Variants in AFF2 observed in about 807,000 individuals in gnomAD.
The protein encoded by AFF2 is ALF transcription elongation factor 2.
A neutral mutation model predicts 76.9 loss-of-function variants in AFF2; 14 were observed. The observed-to-expected ratio is 0.18, with a 90% CI of 0.12 to 0.28. AFF2 has a LOEUF of 0.28. AFF2 is among the 10% of genes least tolerant of loss of function. The pLI, the probability that AFF2 is intolerant of heterozygous loss-of-function variation, is 1.00. For missense variants in AFF2, 868 were observed against 1,001.1 expected, an observed-to-expected ratio of 0.87 and a Z score of 1.79; for synonymous variants, 398 against 366.7, an observed-to-expected ratio of 1.09 and a Z score of -0.98.
intron 3 of AFF2, among the ~76,000 whole-genome samples, chrX:148,683,399 T>A (rs1483217013): frequency 8.9e-6 from 1 of 112,077 alleles, no homozygotes; most frequent in Non-Finnish European, 1.9e-5. Flanking sequence ...TCAGTCTACG[T>A]AGTACTCAAT....
intron 3 of AFF2, among the ~76,000 whole-genome samples, chrX:148,751,507 A>G (rs1374213635): frequency 8.9e-6 from 1 of 112,266 alleles, no homozygotes; most frequent in Non-Finnish European, 1.9e-5. Flanking sequence ...ACTCACCATG[A>G]CAGAGAACAT....
At chrX:148,985,285 C>T (rs868977409) in intron 19 of AFF2, among the ~76,000 whole-genome samples, 3 of 15,383 alleles carry the variant, frequency 2.0e-4, no homozygotes, top group Non-Finnish European at 2.4e-4. Context: ...TGTGCCTGGC[C>T]TTTTTTTTTT....
intron 1 of AFF2, among the ~76,000 whole-genome samples, chrX:148,540,205 A>G (rs1419797983): frequency 9.0e-6 from 1 of 111,535 alleles, no homozygotes; most frequent in Non-Finnish European, 1.9e-5. Context: ...AAAATGAAAT[A>G]CCTAAAACCT....
In AFF2 at chrX:148,571,049, A is replaced by G. The variant is rs781927966; in HGVS notation, c.47+69905A>G. Among the ~76,000 whole-genome samples, 9 of 111,880 alleles carry G rather than the reference A, an allele frequency of 8.0e-5. No homozygotes were observed. In the South Asian group the frequency reaches 3.3e-3, roughly 41 times the overall value. ...TGATGTGCTGAAGGTTAAGACTTAA[A>G]CATATTTTTTTGGAGGGGGTGGAAA... On this transcript the variant is annotated intron_variant, in intron 1 of 20. Transcript: ENST00000370460.
At chrX:148,726,958 G>A (rs2055165327) in intron 3 of AFF2, among the ~76,000 whole-genome samples, 1 of 111,814 alleles carries the variant, frequency 8.9e-6, no homozygotes, top group Admixed American at 9.5e-5. Context: ...AGCCCCCAGT[G>A]TGGCCTCCCA....
At chrX:148,865,537 C>T (rs2070895834) in intron 7 of AFF2, among the ~76,000 whole-genome samples, 2 of 111,803 alleles carry the variant, frequency 1.8e-5, no homozygotes, top group South Asian at 3.8e-4. Flanking sequence ...ATGATGGAGG[C>T]GCTTTTATGG....
chrX:148,773,050 G>A (rs1258928307), intron 3 of AFF2, among the ~76,000 whole-genome samples: 2 of 107,487 alleles, frequency 1.9e-5, no homozygotes, highest in Non-Finnish European at 3.9e-5. Flanking sequence ...GTTTTTAGGA[G>A]AAATGAAGAA....
intron 7 of AFF2, among the ~76,000 whole-genome samples, chrX:148,866,185 G>A (rs2070903991): frequency 8.9e-6 from 1 of 111,775 alleles, no homozygotes; most frequent in African/African-American, 3.2e-5. Flanking sequence ...CCCAAACAAA[G>A]ACAGTCTTCG....
At chrX:148,819,219 G>A (rs182018852) in intron 4 of AFF2, among the ~76,000 whole-genome samples, 1 of 111,351 alleles carries the variant, frequency 9.0e-6, no homozygotes, top group East Asian at 2.8e-4. Flanking sequence ...GCAGTTTTTG[G>A]TGATTATGAA....
At chrX:148,625,783 C>T (rs928660339) in intron 1 of AFF2, among the ~76,000 whole-genome samples, 1 of 111,749 alleles carries the variant, frequency 8.9e-6, no homozygotes, top group Non-Finnish European at 1.9e-5. Flanking sequence ...GCACCAAAGA[C>T]TGTTATCACC....
At chrX:148,859,279 T>C (rs2070820508) in intron 7 of AFF2, among the ~76,000 whole-genome samples, 1 of 109,340 alleles carries the variant, frequency 9.1e-6, no homozygotes, top group Non-Finnish European at 1.9e-5. Context: ...GCTTAATATC[T>C]GGATGATTAA....
At chrX:148,880,332 A>G (rs1321020918) in intron 7 of AFF2, among the ~76,000 whole-genome samples, 1 of 111,947 alleles carries the variant, frequency 8.9e-6, no homozygotes, top group African/African-American at 3.2e-5. Context: ...CCTTCCTACC[A>G]ACAAATGATT....
chrX:148,642,905 C>G (rs1292805425), intron 1 of AFF2, among the ~76,000 whole-genome samples: 8 of 112,571 alleles, frequency 7.1e-5, no homozygotes, highest in African/African-American at 1.9e-4. Context: ...AGAGCCATCA[C>G]AAGTATTCTA....
intron 1 of AFF2, among the ~76,000 whole-genome samples, chrX:148,572,790 G>T (rs2053244631): frequency 1.8e-5 from 2 of 111,367 alleles, no homozygotes. Flanking sequence ...TAGGTACAGG[G>T]TTTATTTTTG....
chrX:148,549,595 C>T (rs539350381), intron 1 of AFF2, among the ~76,000 whole-genome samples: 1 of 111,572 alleles, frequency 9.0e-6, no homozygotes, highest in East Asian at 2.8e-4. Flanking sequence ...ATCCTCTCTC[C>T]GTTTTAGAGC....
At chrX:148,913,615 T>C (rs1328339709) in intron 9 of AFF2, among the ~76,000 whole-genome samples, 1 of 112,174 alleles carries the variant, frequency 8.9e-6, no homozygotes, top group Non-Finnish European at 1.9e-5. Flanking sequence ...GTGAATCTGA[T>C]GGACCTCAAC....
At chrX:148,533,875 C>T (rs1340265866) in intron 1 of AFF2, among the ~76,000 whole-genome samples, 5 of 111,898 alleles carry the variant, frequency 4.5e-5, no homozygotes, top group Non-Finnish European at 9.4e-5. Context: ...AAGAGTGAAT[C>T]ATTAAATTCA....
intron 13 of AFF2, 41 bp from the exon 14 acceptor site, chrX:148,966,749 A>G (rs2072180129): frequency 8.4e-6 from 10 of 1,196,909 alleles, no homozygotes; most frequent in Non-Finnish European, 1.1e-5. Flanking sequence ...TGTTTTAAAA[A>G]GCTGGACCTA....
At chrX:148,582,080 T>C (rs1218685337) in intron 1 of AFF2, among the ~76,000 whole-genome samples, 1 of 111,729 alleles carries the variant, frequency 9.0e-6, no homozygotes, top group Admixed American at 9.5e-5. Flanking sequence ...GTTTGTCTTA[T>C]TAGTTTTGTC....
Sources: allele counts gnomAD v4.1 joint callset (sites outside exome capture counted in the v4.1 genomes callset), GRCh38; gene constraint gnomAD v4.1.1; transcripts MANE v1.5; gene names NCBI Gene and HGNC (gene_info 2026-07-23, HGNC 2026-07-21).